Variants in GYS2 observed in about 807,000 individuals in gnomAD.
GYS2 encodes glycogen synthase 2.
Under a neutral mutation model 85.6 loss-of-function variants are expected in GYS2, and 80 were observed. The ratio of observed to expected loss-of-function variants is 0.93; its 90% CI spans 0.78 to 1.13. The LOEUF is 1.13. Ranked by LOEUF, GYS2 falls within the 50% of genes most tolerant of loss-of-function variation. The pLI is 0.00. For synonymous variants in GYS2, 328 were observed against 300.7 expected (o/e 1.09, Z -0.94); for missense variants, 881 against 854.9 (o/e 1.03, Z -0.38).
At chr12:21,579,523 C>A (rs1944484689) in intron 2 of GYS2, among the ~76,000 whole-genome samples, 1 of 151,878 alleles carries the variant, frequency 6.6e-6, no homozygotes, top group East Asian at 1.9e-4. Context: ...CCACACCTGG[C>A]TAATTTTTGT....
At chr12:21,566,350 C>CAT (rs1944320596) in intron 5 of GYS2, among the ~76,000 whole-genome samples, 1 of 141,904 alleles carries the variant, frequency 7.0e-6, no homozygotes, top group Non-Finnish European at 1.5e-5. Context: ...ACTATGTGAT[C>CAT]TTTTTTTTTT....
intron 7 of GYS2, 69 bp downstream of exon 7, chr12:21,562,849 A>G (rs1944271373): frequency 1.9e-6 from 3 of 1,576,466 alleles, no homozygotes; most frequent in Non-Finnish European, 2.6e-6. Flanking sequence ...AAGCCAAAAA[A>G]TTCTTCACTT....
intron 7 of GYS2, among the ~76,000 whole-genome samples, chr12:21,561,831 T>C (rs767125606): frequency 6.6e-6 from 1 of 152,188 alleles, no homozygotes; most frequent in Non-Finnish European, 1.5e-5. Context: ...TTAACGTGGC[T>C]TTAGTAAATT....
At chr12:21,598,653 A>T (rs977780051) in intron 1 of GYS2, among the ~76,000 whole-genome samples, 8 of 152,114 alleles carry the variant, frequency 5.3e-5, no homozygotes, top group African/African-American at 9.7e-5. Context: ...TCCTATTTTC[A>T]TATTTGAGGT....
chr12:21,563,757 C>G (rs1944284234), intron 5 of GYS2, among the ~76,000 whole-genome samples: 1 of 152,148 alleles, frequency 6.6e-6, no homozygotes, highest in Non-Finnish European at 1.5e-5. Flanking sequence ...GAGGTGGAAA[C>G]TCAGGCACAG....
chr12:21,594,649 A>G (rs1236848425), intron 1 of GYS2, among the ~76,000 whole-genome samples: 3 of 152,212 alleles, frequency 2.0e-5, no homozygotes, highest in Non-Finnish European at 4.4e-5. Flanking sequence ...AAAAATTAAT[A>G]TTGTTAAAAT....
At chr12:21,583,102 C>A (rs1397940840) in intron 1 of GYS2, among the ~76,000 whole-genome samples, 1 of 152,136 alleles carries the variant, frequency 6.6e-6, no homozygotes, top group Non-Finnish European at 1.5e-5. Flanking sequence ...TTCACTTCCA[C>A]AAGATATCAC....
At chr12:21,542,702 G>A (rs1295989961) in intron 12 of GYS2, 111 bp from the exon 13 acceptor site, 2 of 730,710 alleles carry the variant, frequency 2.7e-6, no homozygotes, top group Admixed American at 2.0e-5. Context: ...TGTTCACTAT[G>A]TGTCAGTCAC....
chr12:21,576,086 T>A (rs2136906654), intron 2 of GYS2, 29 bp from the exon 3 acceptor site: 1 of 1,560,908 alleles, frequency 6.4e-7, no homozygotes, highest in Non-Finnish European at 8.8e-7. Flanking sequence ...AGCCATGTAG[T>A]GATATTAAGT....
chr12:21,589,816 G>A (rs575528540), intron 1 of GYS2, among the ~76,000 whole-genome samples: 7 of 152,112 alleles, frequency 4.6e-5, no homozygotes, highest in Non-Finnish European at 1.0e-4. Flanking sequence ...AGCTCTCACT[G>A]GGTCCCACCC....
chr12:21,557,630 T>G (rs1185016553), intron 11 of GYS2, among the ~76,000 whole-genome samples: 1 of 152,232 alleles, frequency 6.6e-6, no homozygotes, highest in Non-Finnish European at 1.5e-5. Flanking sequence ...CCGGGCGCGG[T>G]GGCTCACGCC....
At chr12:21,570,812 C>T (rs1437949969) in intron 4 of GYS2, among the ~76,000 whole-genome samples, 3 of 152,160 alleles carry the variant, frequency 2.0e-5, no homozygotes, top group African/African-American at 7.2e-5. Context: ...CAAGAAAAGC[C>T]ACTCTGAAAG....
intron 11 of GYS2, among the ~76,000 whole-genome samples, chr12:21,557,083 G>A (rs1156319219): frequency 1.3e-5 from 2 of 152,166 alleles, no homozygotes; most frequent in Non-Finnish European, 2.9e-5. Context: ...TACATTTGGG[G>A]CCAGCATGGG....
chr12:21,572,172 A>C (rs1023764757), intron 4 of GYS2, among the ~76,000 whole-genome samples: 3 of 152,216 alleles, frequency 2.0e-5, no homozygotes, highest in Non-Finnish European at 2.9e-5. Context: ...TTAAAATCTT[A>C]TTTTAAATAA....
At chr12:21,554,699 G>A (rs149529252) in intron 11 of GYS2, among the ~76,000 whole-genome samples, 77 of 152,268 alleles carry the variant, frequency 5.1e-4, no homozygotes, top group Admixed American at 9.8e-4. Context: ...AGGAAATAAC[G>A]ACTTTTAGGT....
chr12:21,577,373 T>C (rs543232900), intron 2 of GYS2, among the ~76,000 whole-genome samples: 1 of 152,276 alleles, frequency 6.6e-6, no homozygotes, highest in African/African-American at 2.4e-5. Flanking sequence ...ATTACACAAA[T>C]AGAGAATGTA....
intron 7 of GYS2, among the ~76,000 whole-genome samples, chr12:21,562,304 A>G (rs1213691969): frequency 1.3e-5 from 2 of 151,896 alleles, no homozygotes; most frequent in African/African-American, 4.8e-5. Flanking sequence ...GAGTGAACCG[A>G]GTGTGTATGT....
At chr12:21,587,227 G>A (rs535629409) in intron 1 of GYS2, among the ~76,000 whole-genome samples, 1 of 152,242 alleles carries the variant, frequency 6.6e-6, no homozygotes, top group Non-Finnish European at 1.5e-5. Flanking sequence ...GAAAAACTAC[G>A]GATTGGATAC....
rs1416440138 is a variant in GYS2, at chr12:21,576,030, CTTCT to C, written c.327_330del (p.Ile109MetfsTer11). 1.9e-6 allele frequency: 3 copies of C among 1,613,454 alleles called. No homozygotes were observed. The highest frequency in any genetic ancestry group is 2.5e-6 in the Non-Finnish European group (3 of 1,179,802). ...TCAAAAAGTACCACATAAGGACTTC[CTTCT>C]ATCAGCCATCTTCCAAAATGCACCT... On this transcript the variant is annotated frameshift_variant, in exon 3 of 16. Coordinates refer to ENST00000261195, the MANE Select transcript of GYS2 (RefSeq NM_021957.4). LOFTEE classifies it high-confidence loss of function.
Sources: gnomAD v4.1 joint callset for allele counts (sites outside exome capture counted in the v4.1 genomes callset) on GRCh38, gnomAD v4.1.1 for gene constraint, MANE v1.5 for transcripts, NCBI Gene and HGNC (gene_info 2026-07-23, HGNC 2026-07-21) for gene names.